HSD17B2: variants seen among roughly 807,000 people sequenced by gnomAD.
HSD17B2 encodes 17-beta-hydroxysteroid dehydrogenase type 2.
HSD17B2 carries 32 observed loss-of-function variants against 26.9 expected under a neutral mutation model. The ratio of observed to expected loss-of-function variants is 1.19; its 90% CI spans 0.90 to 1.60. The LOEUF is 1.60. Ranked by LOEUF, HSD17B2 falls within the 40% of genes most tolerant of loss-of-function variation. The pLI is 0.00. For missense variants in HSD17B2, 613 were observed against 468.6 expected, an observed-to-expected ratio of 1.31 and a Z score of -2.85; for synonymous variants, 246 against 186.7, an observed-to-expected ratio of 1.32 and a Z score of -2.59.
At chr16:82,049,000 C>G (rs1444421212) in intron 1 of HSD17B2, among the ~76,000 whole-genome samples, 1 of 152,166 alleles carries the variant, frequency 6.6e-6, no homozygotes, top group East Asian at 1.9e-4. Context: ...GAAAATAATC[C>G]TGGCTACTTT....
chr16:82,076,878 C>T (rs1904305340), intron 3 of HSD17B2, among the ~76,000 whole-genome samples: 1 of 152,096 alleles, frequency 6.6e-6, no homozygotes, highest in Admixed American at 6.6e-5. Context: ...CAATAGCAAA[C>T]AATCAGAAAG....
intron 1 of HSD17B2, among the ~76,000 whole-genome samples, chr16:82,046,320 G>A (rs1322600473): frequency 1.3e-5 from 2 of 152,184 alleles, no homozygotes; most frequent in East Asian, 3.8e-4. Context: ...TGACTGTGCT[G>A]TTGAGAGCCA....
intron 3 of HSD17B2, among the ~76,000 whole-genome samples, chr16:82,085,740 T>G (rs1261056167): frequency 6.6e-6 from 1 of 152,132 alleles, no homozygotes; most frequent in Non-Finnish European, 1.5e-5. Context: ...GGGTGGAGCC[T>G]AAGATTCTGC....
At chr16:82,050,168 TG>T (rs1256154840) in intron 1 of HSD17B2, among the ~76,000 whole-genome samples, 6 of 152,238 alleles carry the variant, frequency 3.9e-5, no homozygotes, top group Non-Finnish European at 7.3e-5. Flanking sequence ...TTCCACTGGA[TG>T]TCTTGCGCTT....
intron 2 of HSD17B2, chr16:82,070,683 C>A (rs1182487127): frequency 6.2e-6 from 3 of 484,984 alleles, no homozygotes; most frequent in Admixed American, 7.5e-5. Flanking sequence ...CCTGCTGGTT[C>A]ACTTAGTAAA....
chr16:82,048,892 G>A (rs1340475213), intron 1 of HSD17B2, among the ~76,000 whole-genome samples: 1 of 152,206 alleles, frequency 6.6e-6, no homozygotes, highest in Non-Finnish European at 1.5e-5. Flanking sequence ...CAAATGCTTA[G>A]TGTTGAGCCT....
At chr16:82,072,600 C>A (rs994567334) in intron 3 of HSD17B2, among the ~76,000 whole-genome samples, 13 of 152,172 alleles carry the variant, frequency 8.5e-5, no homozygotes, top group Admixed American at 7.2e-4. Flanking sequence ...TGAGCAACAC[C>A]TTCACTCATA....
At chr16:82,056,255 G>A (rs1015680176) in intron 1 of HSD17B2, among the ~76,000 whole-genome samples, 3 of 152,076 alleles carry the variant, frequency 2.0e-5, no homozygotes, top group African/African-American at 4.8e-5. Context: ...GGGATAGTGG[G>A]GCAATTTAGT....
chr16:82,078,765 A>C (rs1255330727), intron 3 of HSD17B2, among the ~76,000 whole-genome samples: 1 of 152,212 alleles, frequency 6.6e-6, no homozygotes, highest in Non-Finnish European at 1.5e-5. Context: ...AAATAACATA[A>C]TGAGCATAAA....
chr16:82,048,481 T>G (rs1333325770), intron 1 of HSD17B2, among the ~76,000 whole-genome samples: 1 of 151,880 alleles, frequency 6.6e-6, no homozygotes, highest in Non-Finnish European at 1.5e-5. Flanking sequence ...AGAATTTTGG[T>G]GGAAAAGGGA....
At chr16:82,097,976 C>T in intron 4 of HSD17B2, 99 bp from the exon 5 acceptor site, 1 of 1,119,858 alleles carries the variant, frequency 8.9e-7, no homozygotes, top group South Asian at 1.9e-5. Context: ...AAATAAACGT[C>T]ATTTGCAAAG....
In HSD17B2 at chr16:82,091,014, C is replaced by T. The variant is rs748036904; in HGVS notation, c.777C>T (p.Ser259=). Residue 259 remains serine (S), a synonymous_variant, in exon 4 of 5, where the codon TCC becomes TCT. Transcript: ENST00000199936. ...ELSKWGIKVA[S]IQPGGFLTNI... is the part of the protein sequence containing the mutation. Reference sequence around the variant, plus strand: ...CCAAGTGGGGAATTAAAGTTGCTTCCATCCAACCTGGAGGCTTCCTAACAA... The same window carrying T: ...CCAAGTGGGGAATTAAAGTTGCTTCTATCCAACCTGGAGGCTTCCTAACAA... The T allele has an allele frequency of 3.7e-6, 6 of 1,613,964 alleles. No individual in the cohort carries two copies. The East Asian group carries it at 1.1e-4, about 30-fold the overall frequency.
At chr16:82,089,888 T>C (rs1191768802) in intron 3 of HSD17B2, among the ~76,000 whole-genome samples, 1 of 152,208 alleles carries the variant, frequency 6.6e-6, no homozygotes, top group Non-Finnish European at 1.5e-5. Flanking sequence ...AGTGACATCT[T>C]CAGAGACTCT....
At chr16:82,076,399 A>C (rs545220987) in intron 3 of HSD17B2, among the ~76,000 whole-genome samples, 1 of 152,364 alleles carries the variant, frequency 6.6e-6, no homozygotes, top group South Asian at 2.1e-4. Context: ...GCAAGCAGAC[A>C]AAAGAAAGAA....
At chr16:82,095,888 T>C (rs1196550371) in intron 4 of HSD17B2, 1 of 152,232 alleles carries the variant, frequency 6.6e-6, no homozygotes, top group Admixed American at 6.5e-5. Flanking sequence ...TCTATGTGTA[T>C]GTATGTTTGT....
At chr16:82,088,346 C>G (rs1904587281) in intron 3 of HSD17B2, among the ~76,000 whole-genome samples, 1 of 152,126 alleles carries the variant, frequency 6.6e-6, no homozygotes, top group Non-Finnish European at 1.5e-5. Flanking sequence ...GTGCCAGGCA[C>G]TATTCTAATA....
At chr16:82,072,587 C>A (rs1914722065) in intron 3 of HSD17B2, among the ~76,000 whole-genome samples, 1 of 152,176 alleles carries the variant, frequency 6.6e-6, no homozygotes, top group Non-Finnish European at 1.5e-5. Flanking sequence ...CTGTTCTCAA[C>A]TTTGAGCAAC....
chr16:82,042,390 C>A (rs1913791632), intron 1 of HSD17B2, among the ~76,000 whole-genome samples: 1 of 152,104 alleles, frequency 6.6e-6, no homozygotes, highest in Non-Finnish European at 1.5e-5. Context: ...AGAACTATCG[C>A]ACTTGGCCTC....
intron 1 of HSD17B2, among the ~76,000 whole-genome samples, chr16:82,060,064 C>T (rs1005071243): frequency 3.9e-5 from 6 of 152,142 alleles, no homozygotes; most frequent in Non-Finnish European, 7.3e-5. Context: ...TTATTTTGAC[C>T]TCAGGGCAGT....
Sources: gnomAD v4.1 joint callset for allele counts (sites outside exome capture counted in the v4.1 genomes callset) on GRCh38, gnomAD v4.1.1 for gene constraint, MANE v1.5 for transcripts, NCBI Gene and HGNC (gene_info 2026-07-23, HGNC 2026-07-21) for gene names.